Variants in NBAS observed in about 807,000 individuals in gnomAD.
NBAS encodes NAG/BC035112 fusion.
In NBAS, 219 loss-of-function variants were observed where a neutral mutation model predicts 302.5. The observed-to-expected ratio is 0.72, with a 90% CI of 0.65 to 0.81. The LOEUF is 0.81. Ranked by LOEUF, NBAS falls within the 30% of genes least tolerant of loss-of-function variation. The pLI is 0.00. For synonymous variants in NBAS, 1,118 were observed against 1,021.6 expected (o/e 1.09, Z -1.80); for missense variants, 2,932 against 2,841.6 (o/e 1.03, Z -0.72).
At chr2:14,785,435 A>T in the NBAS span, among the ~76,000 whole-genome samples, 4 of 152,192 alleles carry the variant, frequency 2.6e-5, no homozygotes, top group African/African-American at 9.7e-5. Context: ...TTGCCCATTC[A>T]GTATGATATT....
At chr2:15,515,036 T>C (rs1251452852) in intron 9 of NBAS, among the ~76,000 whole-genome samples, 1 of 152,142 alleles carries the variant, frequency 6.6e-6, no homozygotes, top group Non-Finnish European at 1.5e-5. Context: ...ACACTGATGC[T>C]CCAGCTCTAA....
At chr2:14,976,239 G>A in the NBAS span, among the ~76,000 whole-genome samples, 6 of 152,198 alleles carry the variant, frequency 3.9e-5, no homozygotes, top group Non-Finnish European at 8.8e-5. Context: ...GTAAAGAATA[G>A]TAGTCTGGTT....
intron 28 of NBAS, among the ~76,000 whole-genome samples, chr2:15,390,237 C>T (rs943069515): frequency 2.6e-5 from 4 of 152,220 alleles, no homozygotes; most frequent in African/African-American, 9.6e-5. Context: ...CTAGAAGGAG[C>T]TCTTCCTCCA....
Position 15,471,815 on chromosome 2 carries a change from GCAA to G in NBAS, c.1725+1404_1725+1406del, listed in dbSNP as rs1679969693. 2.0e-5 allele frequency among the ~76,000 whole-genome samples: 3 copies of G among 152,292 alleles called. No individual in the cohort carries two copies. In the East Asian group the frequency reaches 5.8e-4, roughly 29 times the overall value. On this transcript the variant is annotated intron_variant, in intron 16 of 51. Coordinates refer to ENST00000281513, the MANE Select transcript of NBAS (RefSeq NM_015909.4). ...CTGCTGTCTGCCATATAAGGACACA[GCAA>G]GAAAGAAATCCATCTGCAAACCAGG...
chr2:15,225,500 T>C (rs374181277), intron 47 of NBAS, among the ~76,000 whole-genome samples: 253 of 151,858 alleles, frequency 1.7e-3, no homozygotes, highest in South Asian at 0.012. Flanking sequence ...AGGTGGGCCG[T>C]TCTTTCTTCT....
intron 40 of NBAS, among the ~76,000 whole-genome samples, chr2:15,307,096 G>A (rs1232260265): frequency 6.6e-6 from 1 of 152,200 alleles, no homozygotes; most frequent in East Asian, 1.9e-4. Context: ...GCTGTGACAG[G>A]TGGGGATCTA....
At chr2:15,545,848 A>G (rs1433879962) in intron 6 of NBAS, among the ~76,000 whole-genome samples, 1 of 152,234 alleles carries the variant, frequency 6.6e-6, no homozygotes, top group Non-Finnish European at 1.5e-5. Context: ...CAATCTAAAT[A>G]CCAATATCCT....
the NBAS span, among the ~76,000 whole-genome samples, chr2:14,879,603 C>T: frequency 6.6e-6 from 1 of 152,064 alleles, no homozygotes; most frequent in African/African-American, 2.4e-5. Context: ...ATAGGGAAGA[C>T]TTCATTTCTC....
At chr2:15,538,287 A>G (rs1432502458) in intron 7 of NBAS, 1 of 406,528 alleles carries the variant, frequency 2.5e-6, no homozygotes, top group Non-Finnish European at 4.9e-6. Flanking sequence ...GAAATAGTCT[A>G]GAAAATAAGA....
At chr2:15,434,846 A>G (rs1245747358) in intron 21 of NBAS, among the ~76,000 whole-genome samples, 1 of 152,204 alleles carries the variant, frequency 6.6e-6, no homozygotes, top group Non-Finnish European at 1.5e-5. Context: ...TATACAGGGG[A>G]GACCCAAAAG....
chr2:14,847,632 T>C, the NBAS span, among the ~76,000 whole-genome samples: 2 of 151,908 alleles, frequency 1.3e-5, no homozygotes, highest in African/African-American at 2.4e-5. Flanking sequence ...CATTCAGATA[T>C]ATAAAGAAAA....
the NBAS span, among the ~76,000 whole-genome samples, chr2:14,847,599 T>C: frequency 6.6e-6 from 1 of 151,444 alleles, no homozygotes; most frequent in Non-Finnish European, 1.5e-5. Flanking sequence ...CAATTTTAAA[T>C]ATATATGCAC....
the NBAS span, among the ~76,000 whole-genome samples, chr2:15,116,779 C>T: frequency 9.2e-5 from 14 of 152,248 alleles, no homozygotes; most frequent in Admixed American, 6.5e-5. Flanking sequence ...CAGATGGAAA[C>T]GTCTCAGGAT....
At chr2:15,459,503 C>CTTTTCTTTT (rs1553317838) in intron 21 of NBAS, among the ~76,000 whole-genome samples, 2 of 141,388 alleles carry the variant, frequency 1.4e-5, no homozygotes, top group Non-Finnish European at 3.1e-5. Context: ...AGCATTTTTT[C>CTTTTCTTTT]TTTTTTTTTG....
chr2:15,367,228 A>T (rs1037589529), intron 31 of NBAS, among the ~76,000 whole-genome samples: 3 of 152,144 alleles, frequency 2.0e-5, no homozygotes, highest in Non-Finnish European at 4.4e-5. Context: ...ATATTAGGAA[A>T]ATAAAACACA....
At chr2:15,151,386 T>C in the NBAS span, among the ~76,000 whole-genome samples, 4 of 152,224 alleles carry the variant, frequency 2.6e-5, no homozygotes, top group Non-Finnish European at 5.9e-5. Context: ...GGGCATCTTT[T>C]GGTAGAATGC....
chr2:15,174,629 A>C (rs1487823076), intron 51 of NBAS, among the ~76,000 whole-genome samples: 1 of 152,216 alleles, frequency 6.6e-6, no homozygotes, highest in Non-Finnish European at 1.5e-5. Flanking sequence ...ATATGCCTCA[A>C]GGTGCTTTCA....
At chr2:15,149,825 T>C in the NBAS span, among the ~76,000 whole-genome samples, 1 of 152,174 alleles carries the variant, frequency 6.6e-6, no homozygotes, top group African/African-American at 2.4e-5. Context: ...AAAATCAAAT[T>C]CTAAATTAAA....
chr2:15,101,015 A>G, the NBAS span, among the ~76,000 whole-genome samples: 1 of 152,216 alleles, frequency 6.6e-6, no homozygotes, highest in Non-Finnish European at 1.5e-5. Context: ...TACTAGCCCT[A>G]TTTCAATAAA....
Sources: gnomAD v4.1 joint callset for allele counts (sites outside exome capture counted in the v4.1 genomes callset) on GRCh38, gnomAD v4.1.1 for gene constraint, MANE v1.5 for transcripts, NCBI Gene and HGNC (gene_info 2026-07-23, HGNC 2026-07-21) for gene names.